LEPR: variants seen among roughly 807,000 people sequenced by gnomAD.
LEPR encodes leptin receptor.
Under a neutral mutation model 114.7 loss-of-function variants are expected in LEPR, and 56 were observed. The ratio of observed to expected loss-of-function variants is 0.49; its 90% CI spans 0.39 to 0.61. The LOEUF is 0.61. Ranked by LOEUF, LEPR falls within the 20% of genes least tolerant of loss-of-function variation. The pLI is 0.00. For synonymous variants in LEPR, 443 were observed against 461.4 expected (o/e 0.96, Z 0.51); for missense variants, 1,202 against 1,352.9 (o/e 0.89, Z 1.75).
chr1:65,420,890 T>G lies in LEPR; in HGVS notation c.-97+150T>G, dbSNP rs570323507. The G allele has an allele frequency of 8.3e-4, 864 of 1,043,558 alleles. 2 individuals are homozygous for G. Among genetic ancestry groups the G allele is most frequent in the Non-Finnish European group, 1.1e-3 (743 of 707,506 alleles). 64.6% of individuals were successfully genotyped at this position (1,043,558 alleles called of 1,614,324 possible). A position where few individuals can be genotyped will look rare whatever the true frequency, so the allele number is the denominator to read the frequency against. ...GTTCGGGAGGCGATCGACCGCTCCC[T>G]TCGTCCCTTGGGGTGTGGGTGGAGC... On this transcript the variant is annotated intron_variant, in intron 1 of 19. Coordinates refer to ENST00000349533, the MANE Select transcript of LEPR (RefSeq NM_002303.6).
intron 2 of LEPR, among the ~76,000 whole-genome samples, chr1:65,535,714 T>C (rs1318935699): frequency 2.6e-5 from 4 of 152,064 alleles, no homozygotes; most frequent in African/African-American, 9.7e-5. Flanking sequence ...AAACAGTAAT[T>C]TAGGTAAGTG....
intron 2 of LEPR, among the ~76,000 whole-genome samples, chr1:65,501,624 G>A (rs916577253): frequency 2.6e-5 from 4 of 151,802 alleles, no homozygotes; most frequent in African/African-American, 9.7e-5. Context: ...ATCTTTTGGG[G>A]GGATACAATT....
intron 2 of LEPR, among the ~76,000 whole-genome samples, chr1:65,546,858 G>A (rs985881829): frequency 2.6e-5 from 4 of 152,116 alleles, no homozygotes; most frequent in South Asian, 4.1e-4. Context: ...GAATAGGAGT[G>A]GTGAGAGAGG....
chr1:65,601,952 G>T lies in LEPR; in HGVS notation c.1395G>T (p.Arg465Ser). The change falls in exon 10 of 20, where the codon AGG becomes AGT. Residue 465 changes from arginine to serine, a missense_variant. Arg to Ser is a moderately radical substitution (Grantham distance 110). Coordinates refer to ENST00000349533, the MANE Select transcript of LEPR (RefSeq NM_002303.6). ...TTGCGGAAAGCACTTTGCAATTGAG[G>T]TATCATAGGTACGTATTATTTTTGC... Reference protein sequence around the residue: ...QSLAESTLQLRYHRSSLYCSD... With the variant: ...QSLAESTLQLSYHRSSLYCSD... 13 of 1,612,570 alleles carry T rather than the reference G, an allele frequency of 8.1e-6. No individual in the cohort carries two copies. Among genetic ancestry groups the T allele is most frequent in the Non-Finnish European group, 1.1e-5 (13 of 1,178,702 alleles).
chr1:65,547,142 T>A (rs947956963), intron 2 of LEPR, among the ~76,000 whole-genome samples: 5 of 151,502 alleles, frequency 3.3e-5, no homozygotes, highest in Non-Finnish European at 5.9e-5. Context: ...CAGCCTTGCA[T>A]CCCAGGGATG....
intron 2 of LEPR, among the ~76,000 whole-genome samples, chr1:65,555,432 T>C (rs989076234): frequency 3.3e-5 from 5 of 152,196 alleles, no homozygotes; most frequent in Non-Finnish European, 5.9e-5. Flanking sequence ...TGGTGAATAA[T>C]TGAATTCTAA....
At chr1:65,452,510 T>G (rs367935185) in intron 2 of LEPR, among the ~76,000 whole-genome samples, 17 of 152,172 alleles carry the variant, frequency 1.1e-4, no homozygotes, top group African/African-American at 2.4e-4. Context: ...TTTTGTCAAA[T>G]GCCTTTTCTG....
At chr1:65,424,184 C>T (rs1453606704) in intron 1 of LEPR, among the ~76,000 whole-genome samples, 2 of 152,148 alleles carry the variant, frequency 1.3e-5, no homozygotes, top group African/African-American at 2.4e-5. Flanking sequence ...TTCCTACTCC[C>T]GCAGAGACTA....
At chr1:65,549,637 T>C (rs1374578419) in intron 2 of LEPR, among the ~76,000 whole-genome samples, 1 of 152,236 alleles carries the variant, frequency 6.6e-6, no homozygotes, top group African/African-American at 2.4e-5. Flanking sequence ...CTTCACGTAG[T>C]TCTCGAGCCT....
At chr1:65,538,883 TCTTGTGCCTTTTATCTCTGGAAACA>T (rs1650967799) in intron 2 of LEPR, among the ~76,000 whole-genome samples, 1 of 152,040 alleles carries the variant, frequency 6.6e-6, no homozygotes, top group South Asian at 2.1e-4. Context: ...GCCTTTTATC[TCTTGTGCCTTTTATCTCTGGAAACA>T]CTTGTGCCTT....
rs1457298298 is a variant in LEPR, at chr1:65,610,263, G to GA, written c.1967dup (p.Glu657GlyfsTer15). The GA allele has an allele frequency of 6.2e-7, 1 of 1,613,446 alleles. No individual in the cohort carries two copies. Among genetic ancestry groups the GA allele is most frequent in the Non-Finnish European group, 8.5e-7 (1 of 1,179,688 alleles). On this transcript the variant is annotated frameshift_variant, in exon 14 of 20. Transcript: ENST00000349533. LOFTEE classifies it high-confidence loss of function. ...GGAGAATAATTAATGGAGATACTAT[G>GA]AAAAAGGAGAAAAATGTCACTTTAC... is the stretch of plus-strand genomic sequence containing the variant.
intron 2 of LEPR, among the ~76,000 whole-genome samples, chr1:65,512,735 C>A (rs143269572): frequency 0.013 from 2,022 of 152,176 alleles, 19 homozygotes; most frequent in Middle Eastern, 0.027. Context: ...TGTCCCGTGT[C>A]CCTTGCTTAA....
intron 14 of LEPR, among the ~76,000 whole-genome samples, chr1:65,615,222 T>C (rs1657455708): frequency 6.6e-6 from 1 of 152,196 alleles, no homozygotes; most frequent in Non-Finnish European, 1.5e-5. Flanking sequence ...ACTGTTCTAG[T>C]CTATGATATA....
chr1:65,434,376 C>T (rs1189432468), intron 2 of LEPR: 5 of 985,078 alleles, frequency 5.1e-6, no homozygotes, highest in Admixed American at 1.2e-4. Flanking sequence ...TGACTATAGT[C>T]GAAAACTGAG....
At chr1:65,574,236 A>G (rs4655519) in intron 5 of LEPR, among the ~76,000 whole-genome samples, 46,197 of 152,006 alleles carry the variant, frequency 0.3, 7,932 homozygotes, top group East Asian at 0.83. Context: ...TGTGGGCAGT[A>G]TAGTGTTGGG....
chr1:65,598,186 G>C (rs1216020065), intron 7 of LEPR, among the ~76,000 whole-genome samples: 1 of 146,216 alleles, frequency 6.8e-6, no homozygotes, highest in African/African-American at 2.6e-5. Context: ...TACCCACTTC[G>C]GTCTCCCAAA....
At chr1:65,552,436 T>G (rs1486019012) in intron 2 of LEPR, among the ~76,000 whole-genome samples, 1 of 152,224 alleles carries the variant, frequency 6.6e-6, no homozygotes, top group Non-Finnish European at 1.5e-5. Flanking sequence ...TCTTGTTGCA[T>G]TGATCCCTTT....
At chr1:65,622,849 C>G in intron 18 of LEPR, 57 bp from the exon 19 acceptor site, 1 of 1,584,908 alleles carries the variant, frequency 6.3e-7, no homozygotes, top group Non-Finnish European at 8.6e-7. Context: ...ACTAACTGTT[C>G]ACATTTTCAA....
chr1:65,633,707 C>A lies in LEPR; in HGVS notation c.2674-2484C>A. 1 of 985,314 alleles carries A rather than the reference C, an allele frequency of 1.0e-6. No individual in the cohort carries two copies. Among genetic ancestry groups the A allele is most frequent in the Non-Finnish European group, 1.2e-6 (1 of 829,872 alleles). 61.0% of individuals were successfully genotyped at this position (985,314 alleles called of 1,614,324 possible). Reference sequence around the variant, plus strand: ...ACGTCAGCCTAAAAATCAGCCTATTCGGGTGTTCTTTTGAATATCTCCTGG... The same window carrying A: ...ACGTCAGCCTAAAAATCAGCCTATTAGGGTGTTCTTTTGAATATCTCCTGG... On this transcript the variant is annotated intron_variant, in intron 19 of 19. Coordinates refer to ENST00000349533, the MANE Select transcript of LEPR (RefSeq NM_002303.6). This position sits in a 1 kb window ranked among gnomAD's most constrained non-coding sequence, Gnocchi z 4.1.
Sources: allele counts gnomAD v4.1 joint callset (sites outside exome capture counted in the v4.1 genomes callset), GRCh38; gene constraint gnomAD v4.1.1; non-coding constraint Gnocchi (gnomAD v3.1); transcripts MANE v1.5; gene names NCBI Gene and HGNC (gene_info 2026-07-23, HGNC 2026-07-21).